Variants in ANGPT2 observed in about 807,000 individuals in gnomAD.
ANGPT2 encodes angiopoietin 2, also known as angiopoietin-2.
ANGPT2 carries 28 observed loss-of-function variants against 62.9 expected under a neutral mutation model. The observed-to-expected ratio is 0.44, with a 90% CI of 0.33 to 0.61. The LOEUF (loss-of-function observed/expected upper bound fraction) is 0.61, where lower values mean the gene tolerates loss of function less well. Ranked by LOEUF, ANGPT2 falls within the 20% of genes least tolerant of loss-of-function variation. The probability of loss-of-function intolerance (pLI) is 0.03; values close to 1 mark genes in which losing one functional copy is unlikely to be tolerated. For missense variants in ANGPT2, 727 were observed against 594.9 expected (o/e 1.22, Z -2.31); for synonymous variants, 284 against 207.8 (o/e 1.37, Z -3.15).
Position 6,514,737 on chromosome 8 carries a change from A to G in ANGPT2, c.969T>C (p.Ile323=), listed in dbSNP as rs1815905960. 2 of 1,613,982 alleles carry G rather than the reference A, an allele frequency of 1.2e-6. No homozygotes were observed. The highest frequency in any genetic ancestry group is 1.7e-6 in the Non-Finnish European group (2 of 1,180,018). Residue 323 remains isoleucine, a synonymous_variant, in exon 6 of 9, where the codon ATT becomes ATC. Coordinates refer to ENST00000629816, the MANE Select transcript of ANGPT2 (RefSeq NM_001118887.2). ...DMEAGGGGWT[I]IQRREDGSVD... ...CGCTGCCATCCTCACGTCGCTGAAT[A>G]ATTGTCCACCCGCCTCCTCCAGCTT...
intron 7 of ANGPT2, among the ~76,000 whole-genome samples, chr8:6,510,564 T>C (rs1814846126): frequency 6.6e-6 from 1 of 152,214 alleles, no homozygotes; most frequent in East Asian, 1.9e-4. Flanking sequence ...TGGATGCTTA[T>C]AACCACCTGC....
At chr8:6,547,997 C>T (rs1356397789) in intron 1 of ANGPT2, among the ~76,000 whole-genome samples, 1 of 151,876 alleles carries the variant, frequency 6.6e-6, no homozygotes, top group Non-Finnish European at 1.5e-5. Flanking sequence ...TGAACGCTTC[C>T]CTCAGTTGTA....
intron 4 of ANGPT2, among the ~76,000 whole-genome samples, chr8:6,520,674 G>T (rs546136244): frequency 6.6e-6 from 1 of 152,258 alleles, no homozygotes; most frequent in South Asian, 2.1e-4. Context: ...GCAATTAGAG[G>T]CGTGATCCAC....
chr8:6,561,204 C>G (rs1003369155), intron 1 of ANGPT2, among the ~76,000 whole-genome samples: 15 of 152,188 alleles, frequency 9.9e-5, no homozygotes, highest in African/African-American at 3.4e-4. Context: ...ACCACAGTGA[C>G]CTGGGAAAGG....
intron 4 of ANGPT2, 131 bp from the exon 5 acceptor site, chr8:6,520,122 T>G: frequency 1.0e-6 from 1 of 985,656 alleles, no homozygotes; most frequent in Non-Finnish European, 1.4e-6. Flanking sequence ...CTGTACCACT[T>G]TTTTAACCTT....
chr8:6,530,152 G>A (rs1279388074), intron 2 of ANGPT2, among the ~76,000 whole-genome samples: 2 of 152,034 alleles, frequency 1.3e-5, no homozygotes, highest in Non-Finnish European at 2.9e-5. Context: ...AGTATCAAAA[G>A]GTGGGGCATG....
intron 1 of ANGPT2, among the ~76,000 whole-genome samples, chr8:6,557,438 T>C (rs1279832267): frequency 6.6e-6 from 1 of 152,130 alleles, no homozygotes. Context: ...TGATGACTGG[T>C]GTGGCTGCAA....
chr8:6,541,613 T>C (rs1362893854), intron 1 of ANGPT2, among the ~76,000 whole-genome samples: 1 of 152,190 alleles, frequency 6.6e-6, no homozygotes, highest in East Asian at 1.9e-4. Context: ...CGTCTATTTT[T>C]TGGGATACTT....
chr8:6,529,680 G>A (rs1054622462), intron 2 of ANGPT2, among the ~76,000 whole-genome samples: 1 of 147,638 alleles, frequency 6.8e-6, no homozygotes, highest in Non-Finnish European at 1.5e-5. Flanking sequence ...GCTCAAGCTG[G>A]TCTCGGACTC....
At chr8:6,517,053 A>G (rs1320468654) in intron 5 of ANGPT2, among the ~76,000 whole-genome samples, 1 of 152,226 alleles carries the variant, frequency 6.6e-6, no homozygotes, top group Non-Finnish European at 1.5e-5. Flanking sequence ...ATTATGGTTA[A>G]TTGGACTATA....
At chr8:6,553,921 A>G (rs937059012) in intron 1 of ANGPT2, among the ~76,000 whole-genome samples, 19 of 152,072 alleles carry the variant, frequency 1.2e-4, no homozygotes, top group African/African-American at 3.6e-4. Flanking sequence ...AACTACCAAG[A>G]TATGGTTTGG....
At chr8:6,532,285 A>C in intron 2 of ANGPT2, 47 bp downstream of exon 2, 1 of 1,611,342 alleles carries the variant, frequency 6.2e-7, no homozygotes, top group African/African-American at 1.3e-5. Context: ...ACTGAGTGCT[A>C]GTCTCTAGCT....
At chr8:6,513,431 C>G (rs1326802697) in intron 7 of ANGPT2, among the ~76,000 whole-genome samples, 1 of 151,074 alleles carries the variant, frequency 6.6e-6, no homozygotes, top group African/African-American at 2.4e-5. Context: ...CTCCCGGGTT[C>G]ACGCCATTCT....
chr8:6,526,583 A>C (rs1255573251), intron 3 of ANGPT2, among the ~76,000 whole-genome samples: 1 of 152,268 alleles, frequency 6.6e-6, no homozygotes, highest in Non-Finnish European at 1.5e-5. Context: ...GCTTTTCAAA[A>C]CCCTAAATCA....
At chr8:6,532,098 T>G (rs1819629241) in intron 2 of ANGPT2, among the ~76,000 whole-genome samples, 1 of 152,208 alleles carries the variant, frequency 6.6e-6, no homozygotes, top group South Asian at 2.1e-4. Flanking sequence ...GACTCACATG[T>G]CTTCAGTAGA....
At position 6,521,378 on chromosome 8, in the gene ANGPT2, T is replaced by G. The variant is rs1159297853; in HGVS notation, c.599A>C (p.Asp200Ala). 4 of 1,613,482 alleles carry G rather than the reference T, an allele frequency of 2.5e-6. No individual in the cohort carries two copies. Among genetic ancestry groups the G allele is most frequent in the Non-Finnish European group, 3.4e-6 (4 of 1,179,900 alleles). ...FLEKKVLAMEDKHIIQLQSIK... is the reference protein window; with the variant it reads ...FLEKKVLAMEAKHIIQLQSIK... ...TGACTGTAGTTGGATGATGTGCTTG[T>G]CTTCCATAGCTAGCACCTTCTTTTC... is the stretch of plus-strand genomic sequence containing the variant. The change falls in exon 4 of 9, where the codon GAC (aspartate) becomes GCC (alanine). Residue 200 changes from aspartate to alanine, a missense_variant. By Grantham distance (126) the Asp-to-Ala change is moderately radical. Transcript: ENST00000629816.
At chr8:6,504,134 C>G (rs557367923) in intron 8 of ANGPT2, among the ~76,000 whole-genome samples, 20 of 151,846 alleles carry the variant, frequency 1.3e-4, no homozygotes, top group Admixed American at 3.9e-4. Context: ...CTGGCTAACA[C>G]GGTGAAACCC....
At chr8:6,562,461 C>T (rs1825677481) in intron 1 of ANGPT2, among the ~76,000 whole-genome samples, 186 bp downstream of exon 1, 1 of 151,132 alleles carries the variant, frequency 6.6e-6, no homozygotes, top group South Asian at 2.1e-4. Flanking sequence ...CGGGGACTAC[C>T]CACACACCCT....
intron 1 of ANGPT2, among the ~76,000 whole-genome samples, chr8:6,552,630 G>T (rs1432334727): frequency 6.6e-6 from 1 of 152,102 alleles, no homozygotes; most frequent in Non-Finnish European, 1.5e-5. Flanking sequence ...TCCTGCAATT[G>T]TGTAGCATCT....
Sources: gnomAD v4.1 joint callset for allele counts (sites outside exome capture counted in the v4.1 genomes callset) on GRCh38, gnomAD v4.1.1 for gene constraint, MANE v1.5 for transcripts, NCBI Gene and HGNC (gene_info 2026-07-23, HGNC 2026-07-21) for gene names.